The following ADNP variants were observed in gnomAD, a reference collection of about 807,000 sequenced individuals.
ADNP encodes the protein activity dependent neuroprotector homeobox.
A neutral mutation model predicts 84.9 loss-of-function variants in ADNP; 4 were observed. That is an observed-to-expected ratio of 0.05 (90% confidence interval 0.02 to 0.11). ADNP has a LOEUF of 0.11. Ranked by LOEUF, ADNP falls within the 10% of genes least tolerant of loss-of-function variation. The pLI is 1.00. For synonymous variants in ADNP, 554 were observed against 468.1 expected, an observed-to-expected ratio of 1.18 and a Z score of -2.37; for missense variants, 1,132 against 1,326.0, an observed-to-expected ratio of 0.85 and a Z score of 2.27.
At chr20:50,922,720 T>C (rs558782243) in intron 2 of ADNP, among the ~76,000 whole-genome samples, 2 of 151,932 alleles carry the variant, frequency 1.3e-5, no homozygotes, top group East Asian at 1.9e-4. Flanking sequence ...GCTGGGATTA[T>C]AGGCCCCCAC....
Position 50,894,370 on chromosome 20 carries a change from T to C in ADNP, c.344A>G (p.Asn115Ser), listed in dbSNP as rs140023121. The change falls in exon 6 of 6, where the codon AAT (asparagine) becomes AGT (serine). Residue 115 changes from asparagine to serine, a missense_variant. Asn to Ser is a conservative substitution (Grantham distance 46). This residue lies in a region of ADNP where 130 missense variants were observed against 183.7 expected (regional missense o/e 0.71). Coordinates refer to ENST00000621696, the MANE Select transcript of ADNP (RefSeq NM_001282531.3). ...TGTTTCCAAAGTCTTTTTGTCTGCA[T>C]TGAAGGTACAGTAGGGGCAATTAAG... The part of the protein sequence containing the change: ...ILLNCPYCTF[N>S]ADKKTLETHI... 9 of 1,614,078 alleles carry C rather than the reference T, an allele frequency of 5.6e-6. No homozygotes were observed. The African/African-American group carries it at 6.7e-5, about 12-fold the overall frequency.
chr20:50,917,899 T>C (rs1983637092), intron 2 of ADNP, among the ~76,000 whole-genome samples: 1 of 152,204 alleles, frequency 6.6e-6, no homozygotes, highest in African/African-American at 2.4e-5. Context: ...TACCGACACA[T>C]GTTCCAACAT....
intron 5 of ADNP, among the ~76,000 whole-genome samples, chr20:50,898,636 TTC>T (rs1483386354): frequency 7.9e-5 from 12 of 152,234 alleles, no homozygotes; most frequent in African/African-American, 2.9e-4. Context: ...CCTTAATCAC[TTC>T]TGTTTCCAGG....
rs949786868 is a variant in ADNP at position 50,889,452 on chromosome 20, T to A, written c.*1953A>T. Reference sequence around the variant, plus strand: ...TATAATCTACCTGTATAACAACAGATGCAACATAGCTCCGTTCCAGCCCCA... The same window carrying A: ...TATAATCTACCTGTATAACAACAGAAGCAACATAGCTCCGTTCCAGCCCCA... On this transcript the variant is annotated 3_prime_UTR_variant, in exon 6 of 6. Transcript: ENST00000621696. 1 of 158,508 alleles carries A rather than the reference T, an allele frequency of 6.3e-6. No individual in the cohort carries two copies. Among genetic ancestry groups the A allele is most frequent in the African/African-American group, 2.4e-5 (1 of 41,818 alleles). The allele number at this position is 158,508 out of a possible 1,614,324, so 9.8% of individuals were successfully genotyped here. A position where few individuals can be genotyped will look rare whatever the true frequency, so the allele number is the denominator to read the frequency against.
chr20:50,905,938 C>T (rs1272285110), intron 2 of ADNP, among the ~76,000 whole-genome samples: 1 of 152,182 alleles, frequency 6.6e-6, no homozygotes, highest in Non-Finnish European at 1.5e-5. Flanking sequence ...ACACACTGGG[C>T]ATGGTGCCTC....
At chr20:50,922,894 T>C (rs1984050100) in intron 2 of ADNP, among the ~76,000 whole-genome samples, 1 of 152,066 alleles carries the variant, frequency 6.6e-6, no homozygotes, top group South Asian at 2.1e-4. Flanking sequence ...CCTGGGTTTT[T>C]ATAAAAGCTT....
At chr20:50,903,813 C>G (rs1982217308) in intron 4 of ADNP, 76 bp downstream of exon 4, 5 of 1,058,614 alleles carry the variant, frequency 4.7e-6, no homozygotes, top group Non-Finnish European at 7.0e-6. Context: ...TAAGATTTAG[C>G]CATCTTGGCC....
chr20:50,898,004 A>T (rs930053462), intron 5 of ADNP, among the ~76,000 whole-genome samples: 5 of 152,244 alleles, frequency 3.3e-5, no homozygotes, highest in African/African-American at 1.2e-4. Flanking sequence ...AAAGGGTTTC[A>T]ATTTGTGGCC....
chr20:50,917,581 T>G (rs551213208), intron 2 of ADNP, among the ~76,000 whole-genome samples: 5 of 152,240 alleles, frequency 3.3e-5, no homozygotes, highest in African/African-American at 4.8e-5. Flanking sequence ...TCTAAGCATG[T>G]TCTTCTGAAA....
At chr20:50,928,177 T>C (rs929223699) in intron 2 of ADNP, among the ~76,000 whole-genome samples, 1 of 152,226 alleles carries the variant, frequency 6.6e-6, no homozygotes, top group African/African-American at 2.4e-5. Flanking sequence ...TAACTAGGTA[T>C]CAAAGAATAC....
At chr20:50,897,110 T>C (rs543086828) in intron 5 of ADNP, among the ~76,000 whole-genome samples, 2 of 152,242 alleles carry the variant, frequency 1.3e-5, no homozygotes, top group South Asian at 2.1e-4. Flanking sequence ...GGCTAATTTT[T>C]TTGTATTTTT....
rs1312910966 is a variant in ADNP, at chr20:50,892,645, A to T, written c.2069T>A (p.Val690Asp). ...ATCCTGGCCATTTTGGGTCTTTCCA[A>T]CGCCCCTGCAGTGAACTAGATGCAG... is the stretch of plus-strand genomic sequence containing the variant. Reference protein sequence around the residue: ...ITLHLVHCRGVGKTQNGQDKT... With the variant: ...ITLHLVHCRGDGKTQNGQDKT... Residue 690 changes from valine (V) to aspartate (D), a missense_variant, in exon 6 of 6, where the codon GTT (valine) becomes GAT (aspartate). Val to Asp is a radical substitution (Grantham distance 152). Coordinates refer to ENST00000621696, the MANE Select transcript of ADNP (RefSeq NM_001282531.3). 1 of 1,614,166 alleles carries T rather than the reference A, an allele frequency of 6.2e-7. No individual in the cohort carries two copies. Among genetic ancestry groups the T allele is most frequent in the Non-Finnish European group, 8.5e-7 (1 of 1,180,044 alleles).
intron 5 of ADNP, among the ~76,000 whole-genome samples, chr20:50,897,364 G>A (rs1451152768): frequency 6.6e-6 from 1 of 151,986 alleles, no homozygotes; most frequent in African/African-American, 2.4e-5. Context: ...TCACCTATGC[G>A]GGAACTTGTT....
intron 5 of ADNP, among the ~76,000 whole-genome samples, chr20:50,895,243 C>A (rs1000726376): frequency 6.6e-6 from 1 of 152,280 alleles, no homozygotes; most frequent in Middle Eastern, 3.4e-3. Context: ...TCACACAGAC[C>A]TAGATGGTAG....
At position 50,890,234 on chromosome 20, in the gene ADNP, A is replaced by C. The variant is rs1980544914; in HGVS notation, c.*1171T>G. The C allele has an allele frequency of 4.8e-6, 1 of 207,364 alleles. No individual in the cohort carries two copies. The highest frequency in any genetic ancestry group is 9.6e-6 in the Non-Finnish European group (1 of 104,702). The allele number at this position is 207,364 out of a possible 1,614,324, so 12.8% of individuals were successfully genotyped here. The stretch of plus-strand genomic sequence containing the variant: ...GCAGATGACAGATCTTGGGTTTTCC[A>C]CAAGTTTCCTCTGTGACTGTGGCTG... On this transcript the variant is annotated 3_prime_UTR_variant, in exon 6 of 6. Transcript: ENST00000621696.
chr20:50,892,413 C>T lies in ADNP; in HGVS notation c.2301G>A (p.Arg767=). 6.2e-7 allele frequency: 1 copy of T among 1,614,172 alleles called. No individual in the cohort carries two copies. ...KGHEDDSYEA[R]KSFLTKYFNK... is the part of the protein sequence containing the mutation. ...TGAAATACTTTGTTAGAAAGCTTTT[C>T]CTGGCTTCATAGGAATCATCTTCAT... The change falls in exon 6 of 6, where the codon AGG becomes AGA. Residue 767 remains arginine, a synonymous_variant. Transcript: ENST00000621696.
intron 2 of ADNP, among the ~76,000 whole-genome samples, chr20:50,925,310 C>A (rs1008922984): frequency 1.4e-5 from 2 of 147,434 alleles, no homozygotes; most frequent in African/African-American, 5.1e-5. Context: ...CAAGTTGGCT[C>A]ATATATACCA....
rs191593904 is a variant in ADNP, at chr20:50,919,605, A to C, written c.-90+9046T>G. Among the ~76,000 whole-genome samples the C allele has an allele frequency of 3.8e-4, 58 of 152,264 alleles. 1 individual carries two copies. Among genetic ancestry groups the C allele is most frequent in the African/African-American group, 1.4e-3 (58 of 41,552 alleles). On this transcript the variant is annotated intron_variant, in intron 2 of 5. Transcript: ENST00000621696. ...ATAAATATTTGCAGTAAAAGAGGCG[A>C]TGTATCAGATGTGTCACAAACTAAA...
intron 2 of ADNP, among the ~76,000 whole-genome samples, chr20:50,913,326 ACAAT>A (rs1411946667): frequency 6.7e-6 from 1 of 149,540 alleles, no homozygotes; most frequent in Non-Finnish European, 1.5e-5. Context: ...AATTAGGAAG[ACAAT>A]CAGGCTACTA....
Sources: allele counts gnomAD v4.1 joint callset (sites outside exome capture counted in the v4.1 genomes callset), GRCh38; gene constraint gnomAD v4.1.1; regional missense constraint gnomAD v4.1.1; transcripts MANE v1.5; gene names NCBI Gene and HGNC (gene_info 2026-07-23, HGNC 2026-07-21).